TCF4: variants seen among roughly 807,000 people sequenced by gnomAD.
TCF4 encodes transcription factor 4, also known as SL3-3 enhancer factor 2.
In TCF4, 3 loss-of-function variants were observed where a neutral mutation model predicts 82.1. The ratio of observed to expected loss-of-function variants is 0.04; its 90% CI spans 0.02 to 0.09. TCF4 has a LOEUF of 0.09. Among genes scored for constraint, TCF4 ranks in the 10% least tolerant of loss-of-function variants. The pLI, the probability that TCF4 is intolerant of heterozygous loss-of-function variation, is 1.00. For synonymous variants in TCF4, 276 were observed against 309.6 expected, an observed-to-expected ratio of 0.89 and a Z score of 1.14; for missense variants, 518 against 852.7, an observed-to-expected ratio of 0.61 and a Z score of 4.89.
At chr18:55,484,875 T>A (rs2096493280) in intron 3 of TCF4, among the ~76,000 whole-genome samples, 1 of 152,242 alleles carries the variant, frequency 6.6e-6, no homozygotes, top group East Asian at 1.9e-4. Context: ...GTTTTTGGTA[T>A]AATTGCTATT....
intron 3 of TCF4, among the ~76,000 whole-genome samples, chr18:55,534,610 A>G (rs1603619780): frequency 6.6e-6 from 1 of 152,228 alleles, no homozygotes; most frequent in East Asian, 1.9e-4. Context: ...CTGGGACTTA[A>G]AAGAGTTGCC....
At chr18:55,406,886 C>T (rs2094119617) in intron 5 of TCF4, among the ~76,000 whole-genome samples, 1 of 152,224 alleles carries the variant, frequency 6.6e-6, no homozygotes, top group Non-Finnish European at 1.5e-5. Flanking sequence ...AATGCGACAG[C>T]CGCTGCGGAT....
chr18:55,489,016 G>T (rs905864722), intron 3 of TCF4, among the ~76,000 whole-genome samples: 1 of 152,046 alleles, frequency 6.6e-6, no homozygotes, highest in Non-Finnish European at 1.5e-5. Context: ...ATACAAATAC[G>T]AATCCCAAGA....
intron 5 of TCF4, among the ~76,000 whole-genome samples, chr18:55,417,908 A>G (rs570271021): frequency 1.3e-5 from 2 of 152,224 alleles, no homozygotes; most frequent in East Asian, 1.9e-4. Flanking sequence ...TATAATAAAA[A>G]CTGAAACAGC....
At position 55,326,401 on chromosome 18, in the gene TCF4, CAAAAAAAAAAA is replaced by C. The variant is rs59228811; in HGVS notation, c.549+23947_549+23957del. 1.9e-4 allele frequency among the ~76,000 whole-genome samples: 5 copies of C among 26,378 alleles called. No homozygotes were observed. The East Asian group carries it at 3.9e-3, about 21-fold the overall frequency. The allele number at this position is 26,378 out of a possible 152,430, so 17.3% of individuals were successfully genotyped here. On this transcript the variant is annotated intron_variant, in intron 8 of 19. Transcript: ENST00000354452. Reference sequence around the variant, plus strand: ...GCAAGAGTGCCTTAAAGAGCAGCAGCAAAAAAAAAAAAAAAAAAAAAAAAAAAAAATCTCCA... The same window carrying C: ...GCAAGAGTGCCTTAAAGAGCAGCAGCAAAAAAAAAAAAAAAAAAATCTCCA...
intron 3 of TCF4, among the ~76,000 whole-genome samples, chr18:55,527,794 G>C (rs770776682): frequency 1.3e-5 from 2 of 152,098 alleles, no homozygotes; most frequent in Middle Eastern, 3.4e-3. Flanking sequence ...CAATTGCCAA[G>C]ATAAAATTAA....
At chr18:55,584,675 C>T (rs9951495) in intron 3 of TCF4, among the ~76,000 whole-genome samples, 10 of 151,568 alleles carry the variant, frequency 6.6e-5, no homozygotes, top group African/African-American at 2.4e-4. Flanking sequence ...AGATTTGCAA[C>T]TTTAAATACA....
At chr18:55,371,644 A>G (rs1476558743) in intron 6 of TCF4, among the ~76,000 whole-genome samples, 1 of 151,584 alleles carries the variant, frequency 6.6e-6, no homozygotes, top group Non-Finnish European at 1.5e-5. Context: ...TACAGCATGG[A>G]TTTTAATCAA....
intron 8 of TCF4, among the ~76,000 whole-genome samples, chr18:55,319,274 T>C (rs746761699): frequency 6.6e-6 from 1 of 152,166 alleles, no homozygotes; most frequent in Non-Finnish European, 1.5e-5. Context: ...CTCCACAACA[T>C]GTCTGGCACC....
At chr18:55,403,988 T>G (rs1158038454) in intron 5 of TCF4, 39 of 1,251,472 alleles carry the variant, frequency 3.1e-5, no homozygotes, top group Middle Eastern at 6.3e-4. Context: ...TATTCAAAAT[T>G]CTGAGTCTCT....
rs1305965408 is a variant in TCF4 at position 55,506,032 on chromosome 18, AGACACC to A, written c.146-41901_146-41896del. 7.9e-5 allele frequency among the ~76,000 whole-genome samples: 12 copies of A among 152,350 alleles called. No individual in the cohort carries two copies. The East Asian group carries it at 2.3e-3, about 29-fold the overall frequency. ...CTTGTTCACTGTGAAACCTCAACAG[AGACACC>A]TCTTTGAGAAATGGTTTCTTCATCT... On this transcript the variant is annotated intron_variant, in intron 3 of 19. Coordinates refer to ENST00000354452, the MANE Select transcript of TCF4 (RefSeq NM_001083962.2).
At chr18:55,514,836 G>C (rs905177205) in intron 3 of TCF4, among the ~76,000 whole-genome samples, 1 of 152,048 alleles carries the variant, frequency 6.6e-6, no homozygotes, top group Non-Finnish European at 1.5e-5. Flanking sequence ...AATATTTATA[G>C]AATAGTACAA....
chr18:55,238,853 G>A (rs555119265), intron 15 of TCF4, among the ~76,000 whole-genome samples: 29 of 152,246 alleles, frequency 1.9e-4, no homozygotes, highest in African/African-American at 5.1e-4. Flanking sequence ...AGCTCAGAAT[G>A]CCAAGATCAC....
intron 2 of TCF4, among the ~76,000 whole-genome samples, chr18:55,600,656 T>G (rs1415194402): frequency 2.0e-5 from 3 of 152,214 alleles, no homozygotes; most frequent in African/African-American, 7.2e-5. Context: ...GGCCACAGTA[T>G]ACAGGCTTTG....
At chr18:55,241,218 C>A (rs1368364959) in intron 15 of TCF4, among the ~76,000 whole-genome samples, 1 of 152,184 alleles carries the variant, frequency 6.6e-6, no homozygotes, top group Non-Finnish European at 1.5e-5. Flanking sequence ...CTTGTACTAA[C>A]TCATACGTTC....
At position 55,635,699 on chromosome 18, in the gene TCF4, C is replaced by T. The variant is rs766123130; in HGVS notation, c.195+4G>A. On this transcript the variant is annotated splice_donor_region_variant and intron_variant, in intron 1 of 20. Coordinates refer to the TCF4 transcript ENST00000398339. ...GCTAAAGTAGCCCAAATGCTGGTTC[C>T]TACCTCCAAGGGCCTCCTGGAGAAG... The T allele has an allele frequency of 9.7e-6, 15 of 1,546,700 alleles. No individual in the cohort carries two copies. In the South Asian group the frequency reaches 1.8e-4, roughly 19 times the overall value.
At chr18:55,232,295 G>A (rs1416253061) in intron 17 of TCF4, 1 of 550,350 alleles carries the variant, frequency 1.8e-6, no homozygotes, top group Admixed American at 3.2e-5. Flanking sequence ...ATTAGCATTG[G>A]GTCCAGATTC....
chr18:55,459,086 T>C (rs1016968143), intron 5 of TCF4, among the ~76,000 whole-genome samples: 2 of 152,142 alleles, frequency 1.3e-5, no homozygotes, highest in Non-Finnish European at 2.9e-5. Context: ...CTCGTGGACA[T>C]AGTAGCATTT....
rs1352813478 is a variant in TCF4 at position 55,222,216 on chromosome 18, T to G, written c.*5819A>C. On this transcript the variant is annotated 3_prime_UTR_variant, in exon 20 of 20. Transcript: ENST00000354452. ...TAATGTACCTTTTAATGTGGTCCTC[T>G]AAAAGAGAACAATGTTAATAGACAC... 6.6e-6 allele frequency: 1 copy of G among 152,208 alleles called. No individual in the cohort carries two copies. Among genetic ancestry groups the G allele is most frequent in the Non-Finnish European group, 1.5e-5 (1 of 68,032 alleles). The allele number at this position is 152,208 out of a possible 1,614,324, so 9.4% of individuals were successfully genotyped here.
Sources: allele counts gnomAD v4.1 joint callset (sites outside exome capture counted in the v4.1 genomes callset), GRCh38; gene constraint gnomAD v4.1.1; transcripts MANE v1.5; gene names NCBI Gene and HGNC (gene_info 2026-07-23, HGNC 2026-07-21).